The following TMEM132C variants were observed in gnomAD, a reference collection of about 807,000 sequenced individuals.
The protein encoded by TMEM132C is transmembrane protein 132C, also known as protein phosphatase 1, regulatory subunit 152.
In TMEM132C, 29 loss-of-function variants were observed where a neutral mutation model predicts 61.4. That is an observed-to-expected ratio of 0.47 (90% CI 0.35 to 0.64). TMEM132C has a LOEUF of 0.64. Among genes scored for constraint, TMEM132C ranks in the 30% least tolerant of loss-of-function variants. The pLI, the probability that TMEM132C is intolerant of heterozygous loss-of-function variation, is 0.00. For synonymous variants in TMEM132C, 656 were observed against 633.1 expected (o/e 1.04, Z -0.54); for missense variants, 1,408 against 1,476.9 (o/e 0.95, Z 0.76).
chr12:128,536,476 C>T (rs1366520765), intron 2 of TMEM132C, among the ~76,000 whole-genome samples: 1 of 151,894 alleles, frequency 6.6e-6, no homozygotes, highest in Non-Finnish European at 1.5e-5. Context: ...ACCAACATGG[C>T]ACATGTATCA....
At chr12:128,626,949 G>C (rs1954023003) in intron 4 of TMEM132C, among the ~76,000 whole-genome samples, 1 of 152,186 alleles carries the variant, frequency 6.6e-6, no homozygotes. Flanking sequence ...AGCCTGCCGA[G>C]TCAAGGGAGG....
At chr12:128,383,010 CTG>C (rs1489301483) in intron 1 of TMEM132C, among the ~76,000 whole-genome samples, 2 of 151,468 alleles carry the variant, frequency 1.3e-5, no homozygotes, top group African/African-American at 4.9e-5. Flanking sequence ...GTGAGTGCGT[CTG>C]TGTATCTGTG....
intron 1 of TMEM132C, among the ~76,000 whole-genome samples, chr12:128,332,237 C>A (rs1389075488): frequency 1.3e-5 from 2 of 152,192 alleles, no homozygotes; most frequent in Non-Finnish European, 2.9e-5. Context: ...GACATCTAAG[C>A]ATTTCTTTCA....
intron 3 of TMEM132C, among the ~76,000 whole-genome samples, chr12:128,568,537 C>A (rs1223200761): frequency 4.6e-5 from 7 of 152,182 alleles, no homozygotes; most frequent in Non-Finnish European, 7.3e-5. Context: ...ATCTCCACAT[C>A]CCTACGAGGT....
intron 1 of TMEM132C, among the ~76,000 whole-genome samples, chr12:128,317,305 C>T (rs1015181993): frequency 2.6e-5 from 4 of 152,202 alleles, no homozygotes; most frequent in South Asian, 2.1e-4. Flanking sequence ...TAAGAACAGA[C>T]GTTCAGTAAA....
In TMEM132C at chr12:128,638,833, G is replaced by GTGA. The variant is rs555970616; in HGVS notation, c.1305+22513_1305+22515dup. Among the ~76,000 whole-genome samples, 10 of 151,448 alleles carry GTGA rather than the reference G, an allele frequency of 6.6e-5. No homozygotes were observed. In the South Asian group the frequency reaches 1.7e-3, roughly 25 times the overall value. Reference sequence around the variant, plus strand: ...GATGGTGCTGATGGTAATGATGGTAGTGATGATGATGATGATGGTGATGGT... The same window carrying GTGA: ...GATGGTGCTGATGGTAATGATGGTAGTGATGATGATGATGATGATGGTGATGGT... On this transcript the variant is annotated intron_variant, in intron 4 of 8. Transcript: ENST00000435159.
At chr12:128,616,392 G>A in intron 4 of TMEM132C, 57 bp downstream of exon 4, 1 of 1,475,030 alleles carries the variant, frequency 6.8e-7, no homozygotes, top group Non-Finnish European at 9.1e-7. Flanking sequence ...TGCATCCTGT[G>A]TCCTTCCTAT....
At chr12:128,491,686 C>A (rs1871728969) in intron 2 of TMEM132C, among the ~76,000 whole-genome samples, 1 of 152,038 alleles carries the variant, frequency 6.6e-6, no homozygotes. Context: ...TGGTGCTGAC[C>A]CACGGCATTC....
chr12:128,616,118 T>C, intron 3 of TMEM132C, 34 bp from the exon 4 acceptor site: 1 of 1,543,852 alleles, frequency 6.5e-7, no homozygotes. Flanking sequence ...TTGAACAAAG[T>C]TGGCTTAAAG....
intron 3 of TMEM132C, 150 bp from the exon 4 acceptor site, chr12:128,616,002 G>A: frequency 5.7e-6 from 5 of 884,826 alleles, no homozygotes; most frequent in Non-Finnish European, 8.4e-6. Context: ...TCACTTTGTA[G>A]GTGGTTCCAT....
At position 128,351,331 on chromosome 12, in the gene TMEM132C, GT is replaced by G. The variant is rs202094570; in HGVS notation, c.86-63400del. On this transcript the variant is annotated intron_variant, in intron 1 of 8. Transcript: ENST00000435159. ...TGTTGGGGCCATTGCAGTCATCCAG[GT>G]AGAAGGTAATTATATTAGTCAGGGT... Among the ~76,000 whole-genome samples the G allele has an allele frequency of 4.4e-3, 677 of 152,188 alleles. 1 individual carries two copies. The highest frequency in any genetic ancestry group is 0.015 in the African/African-American group (608 of 41,512).
intron 1 of TMEM132C, among the ~76,000 whole-genome samples, chr12:128,352,833 G>A (rs1354981593): frequency 6.6e-6 from 1 of 152,190 alleles, no homozygotes; most frequent in Non-Finnish European, 1.5e-5. Flanking sequence ...CAGGGCCAGG[G>A]CAAAGTTGTG....
Position 128,705,493 on chromosome 12 carries a change from G to A in TMEM132C, c.2525G>A (p.Gly842Asp). The part of the protein sequence containing the change: ...ERTGQDGHLY[G>D]SSPVEREEGA... ...ACAGGCCAAGATGGGCACCTCTATG[G>A]CAGCTCTCCCGTGGAGCGTGAGGAA... Residue 842 changes from glycine (G) to aspartate (D), a missense_variant, in exon 9 of 9, where the codon GGC (glycine) becomes GAC (aspartate). Gly to Asp is a moderately conservative substitution (Grantham distance 94, BLOSUM62 -1). Transcript: ENST00000435159. 1 of 1,551,054 alleles carries A rather than the reference G, an allele frequency of 6.4e-7. No homozygotes were observed. Among genetic ancestry groups the A allele is most frequent in the South Asian group, 1.2e-5 (1 of 84,056 alleles).
chr12:128,375,513 T>G (rs1874165854), intron 1 of TMEM132C, among the ~76,000 whole-genome samples: 1 of 152,122 alleles, frequency 6.6e-6, no homozygotes, highest in South Asian at 2.1e-4. Flanking sequence ...TCCCTCCGTG[T>G]CTCTCCTCTG....
intron 4 of TMEM132C, among the ~76,000 whole-genome samples, chr12:128,667,208 CAT>C (rs35714534): frequency 0.019 from 2,835 of 152,126 alleles, 51 homozygotes; most frequent in African/African-American, 0.052. Context: ...AGTGTGTGAA[CAT>C]GTGTGTGTGT....
chr12:128,543,037 G>T (rs796655599), intron 2 of TMEM132C, among the ~76,000 whole-genome samples: 3 of 152,172 alleles, frequency 2.0e-5, no homozygotes, highest in African/African-American at 4.8e-5. Flanking sequence ...TGTCTCGTCC[G>T]TTTATTGATA....
rs539886427 is a variant in TMEM132C, at chr12:128,331,284, C to T, written c.85+63797C>T. On this transcript the variant is annotated intron_variant, in intron 1 of 8. Coordinates refer to ENST00000435159, the MANE Select transcript of TMEM132C (RefSeq NM_001136103.3). The stretch of plus-strand genomic sequence containing the variant: ...TAATATATGCACATCAATAAGCAAT[C>T]GAGTTTTATCTATTCTAATTGTTTT... 4.6e-5 allele frequency among the ~76,000 whole-genome samples: 7 copies of T among 152,266 alleles called. No homozygotes were observed. The South Asian group carries it at 1.5e-3, about 32-fold the overall frequency.
chr12:128,315,302 G>A (rs1872115266), intron 1 of TMEM132C, among the ~76,000 whole-genome samples: 1 of 152,172 alleles, frequency 6.6e-6, no homozygotes, highest in African/African-American at 2.4e-5. Flanking sequence ...GGCTGCAGGG[G>A]TAGGGAGCTG....
At chr12:128,544,248 A>G (rs1873869168) in intron 3 of TMEM132C, 145 bp downstream of exon 3, 3 of 1,220,992 alleles carry the variant, frequency 2.5e-6, no homozygotes, top group African/African-American at 3.1e-5. Context: ...GGAGGCATTG[A>G]TATCCATGCA....
Sources: gnomAD v4.1 joint callset for allele counts (sites outside exome capture counted in the v4.1 genomes callset) on GRCh38, gnomAD v4.1.1 for gene constraint, MANE v1.5 for transcripts, NCBI Gene and HGNC (gene_info 2026-07-23, HGNC 2026-07-21) for gene names.